FAT4: variants seen among roughly 807,000 people sequenced by gnomAD.
FAT4 encodes protocadherin Fat 4.
Under a neutral mutation model 303.9 loss-of-function variants are expected in FAT4, and 84 were observed. That is an observed-to-expected ratio of 0.28 (90% confidence interval 0.23 to 0.33). The LOEUF (loss-of-function observed/expected upper bound fraction) is 0.33, where lower values mean the gene tolerates loss of function less well. Among genes scored for constraint, FAT4 ranks in the 10% least tolerant of loss-of-function variants. The pLI is 1.00. For missense variants in FAT4, 6,005 were observed against 6,146.8 expected, an observed-to-expected ratio of 0.98 and a Z score of 0.77; for synonymous variants, 2,307 against 2,298.8, an observed-to-expected ratio of 1.00 and a Z score of -0.10.
intron 2 of FAT4, among the ~76,000 whole-genome samples, chr4:125,330,112 C>T (rs990067147): frequency 6.6e-6 from 1 of 152,234 alleles, no homozygotes; most frequent in African/African-American, 2.4e-5. Context: ...ATTCTCGGAA[C>T]TTGCTAGGCA....
At chr4:125,411,736 A>AT (rs201607686) in intron 5 of FAT4, among the ~76,000 whole-genome samples, 12 of 147,996 alleles carry the variant, frequency 8.1e-5, no homozygotes, top group Non-Finnish European at 1.8e-4. Flanking sequence ...ATTTATATAT[A>AT]TTTTTATATA....
At chr4:125,406,537 C>T (rs953003736) in intron 3 of FAT4, among the ~76,000 whole-genome samples, 1 of 152,044 alleles carries the variant, frequency 6.6e-6, no homozygotes, top group Non-Finnish European at 1.5e-5. Context: ...ATAAAAAATG[C>T]TGTTAGGATT....
chr4:125,414,350 T>A (rs1227526567), intron 5 of FAT4, among the ~76,000 whole-genome samples: 1 of 152,168 alleles, frequency 6.6e-6, no homozygotes, highest in Non-Finnish European at 1.5e-5. Flanking sequence ...AAATACTTTT[T>A]AGAAACTTTA....
intron 7 of FAT4, among the ~76,000 whole-genome samples, chr4:125,419,725 G>A (rs1279400675): frequency 6.6e-6 from 1 of 152,132 alleles, no homozygotes; most frequent in East Asian, 1.9e-4. Flanking sequence ...TTGAGCCAGA[G>A]TCGTGCACTG....
In FAT4 at chr4:125,452,098, G is replaced by T. The variant is rs368928868; in HGVS notation, c.11088G>T (p.Thr3696=). Residue 3696 remains threonine, a synonymous_variant, in exon 10 of 18, where the codon ACG becomes ACT. Transcript: ENST00000394329. ...ATGATGGAGTTCACAGCACAGTCACGAGCAACATCCGAGTTTTCTTTGCTG... is the reference window on the plus strand; with the variant it reads ...ATGATGGAGTTCACAGCACAGTCACTAGCAACATCCGAGTTTTCTTTGCTG... ...LSNDGVHSTV[T]SNIRVFFAGF... The T allele has an allele frequency of 1.3e-5, 21 of 1,614,012 alleles. No individual in the cohort carries two copies. The highest frequency in any genetic ancestry group is 5.3e-5 in the African/African-American group (4 of 74,908).
chr4:125,428,298 CAA>C (rs991878717), intron 7 of FAT4, among the ~76,000 whole-genome samples: 3 of 147,728 alleles, frequency 2.0e-5, no homozygotes, highest in East Asian at 3.9e-4. Flanking sequence ...AACTCCGTCT[CAA>C]AAAAAAAAGT....
Position 125,318,471 on chromosome 4 carries a change from C to G in FAT4, c.2060C>G (p.Pro687Arg). ...VSLLDINDNS[P>R]VFYPVQYFAH... ...CTTCTGGATATAAATGATAACAGCC[C>G]TGTCTTCTACCCGGTCCAATACTTT... is the stretch of plus-strand genomic sequence containing the variant. The change falls in exon 2 of 18, where the codon CCT (proline) becomes CGT (arginine). Residue 687 changes from proline to arginine, a missense_variant. Transcript: ENST00000394329. 1 of 1,614,174 alleles carries G rather than the reference C, an allele frequency of 6.2e-7. No homozygotes were observed. Among genetic ancestry groups the G allele is most frequent in the Non-Finnish European group, 8.5e-7 (1 of 1,180,050 alleles).
At chr4:125,428,680 G>A (rs1458367033) in intron 7 of FAT4, among the ~76,000 whole-genome samples, 1 of 152,036 alleles carries the variant, frequency 6.6e-6, no homozygotes, top group African/African-American at 2.4e-5. Flanking sequence ...ATACATATGT[G>A]CATACATATG....
In FAT4 at chr4:125,449,324, G is replaced by T. The variant is rs1201576799; in HGVS notation, c.8314G>T (p.Ala2772Ser). 1 of 1,613,864 alleles carries T rather than the reference G, an allele frequency of 6.2e-7. No homozygotes were observed. Among genetic ancestry groups the T allele is most frequent in the Admixed American group, 1.7e-5 (1 of 59,996 alleles). ...TAACATTTTAGATGAAAATGATAAT[G>T]CCCCTAGGTTTTCTCAGATATTTAG... ...MINILDENDN[A>S]PRFSQIFSAH... is the part of the protein sequence containing the mutation. The change falls in exon 10 of 18, where the codon GCC (alanine) becomes TCC (serine). Residue 2772 changes from alanine (A) to serine (S), a missense_variant. By Grantham distance (99) the Ala-to-Ser change is moderately conservative (BLOSUM62 1). Transcript: ENST00000394329.
intron 2 of FAT4, among the ~76,000 whole-genome samples, chr4:125,370,219 A>G (rs1733053652): frequency 6.6e-6 from 1 of 152,118 alleles, no homozygotes; most frequent in African/African-American, 2.4e-5. Flanking sequence ...TATATTTCAT[A>G]TCATTGTTAT....
Position 125,359,979 on chromosome 4 carries a change from C to T in FAT4, c.5175+38393C>T, listed in dbSNP as rs544956931. 2.6e-5 allele frequency among the ~76,000 whole-genome samples: 4 copies of T among 152,252 alleles called. No individual in the cohort carries two copies. The South Asian group carries it at 8.3e-4, about 32-fold the overall frequency. On this transcript the variant is annotated intron_variant, in intron 2 of 17. Transcript: ENST00000394329. ...GACTCTCCACTGGATTCCACTCGCC[C>T]AAATTCCCTAGATGGATTTTCCCTC...
chr4:125,448,791 CCTCTTTAAGAGGAGAA>C lies in FAT4; in HGVS notation c.7783_7798del (p.Ser2595LeufsTer20). The C allele has an allele frequency of 6.2e-7, 1 of 1,610,886 alleles. No homozygotes were observed. The highest frequency in any genetic ancestry group is 8.5e-7 in the Non-Finnish European group (1 of 1,179,860). ...TCTCTTGTCACCACCATCACAGGAT[CCTCTTTAAGAGGAGAA>C]CCTATGTCATATTATATCGCAAGTG... On this transcript the variant is annotated frameshift_variant, in exon 10 of 18. Coordinates refer to ENST00000394329, the MANE Select transcript of FAT4 (RefSeq NM_001291303.3). LOFTEE classifies it high-confidence loss of function.
chr4:125,375,424 C>T (rs187214816), intron 2 of FAT4, among the ~76,000 whole-genome samples: 2 of 152,320 alleles, frequency 1.3e-5, no homozygotes, highest in African/African-American at 4.8e-5. Flanking sequence ...ACTTGTGCCT[C>T]CAATGAGCAT....
rs1447004070 is a variant in FAT4 at position 125,434,136 on chromosome 4, C to T, written c.7019-109C>T. 7.2e-6 allele frequency: 7 copies of T among 974,532 alleles called. No individual in the cohort carries two copies. In the Admixed American group the frequency reaches 1.8e-4, roughly 25 times the overall value. 60.4% of individuals were successfully genotyped at this position (974,532 alleles called of 1,614,324 possible). A position where few individuals can be genotyped will look rare whatever the true frequency, so the allele number is the denominator to read the frequency against. On this transcript the variant is annotated intron_variant, in intron 7 of 17. Transcript: ENST00000394329. Reference sequence around the variant, plus strand: ...ATCACTTATGTGTTCAGAAATTTTACTTTGATGTTTCCTAAATTCTCTTTA... The same window carrying T: ...ATCACTTATGTGTTCAGAAATTTTATTTTGATGTTTCCTAAATTCTCTTTA...
intron 10 of FAT4, among the ~76,000 whole-genome samples, chr4:125,457,122 T>TACACACAC (rs151245014): frequency 1.1e-4 from 9 of 81,396 alleles, no homozygotes; most frequent in African/African-American, 8.6e-4. Flanking sequence ...GTTTCTCTCA[T>TACACACAC]ACACACACAC....
intron 5 of FAT4, among the ~76,000 whole-genome samples, chr4:125,410,343 T>A (rs1734794262): frequency 6.6e-6 from 1 of 152,162 alleles, no homozygotes; most frequent in South Asian, 2.1e-4. Context: ...GTTTTGCATG[T>A]ACCCAGTCCT....
At chr4:125,388,498 T>C (rs2126004538) in intron 2 of FAT4, among the ~76,000 whole-genome samples, 1 of 152,298 alleles carries the variant, frequency 6.6e-6, no homozygotes, top group Admixed American at 6.5e-5. Flanking sequence ...TTAACATCTA[T>C]TGAAAAATAT....
chr4:125,371,820 T>C (rs1053095786), intron 2 of FAT4, among the ~76,000 whole-genome samples: 3 of 152,042 alleles, frequency 2.0e-5, no homozygotes, highest in African/African-American at 7.2e-5. Flanking sequence ...GATAGCAGTA[T>C]ATGGGGCATA....
At chr4:125,356,668 A>G (rs888764147) in intron 2 of FAT4, among the ~76,000 whole-genome samples, 2 of 150,036 alleles carry the variant, frequency 1.3e-5, no homozygotes, top group African/African-American at 4.9e-5. Context: ...TAATATAAGT[A>G]GAATATAGTT....
Sources: gnomAD v4.1 joint callset for allele counts (sites outside exome capture counted in the v4.1 genomes callset) on GRCh38, gnomAD v4.1.1 for gene constraint, MANE v1.5 for transcripts, NCBI Gene and HGNC (gene_info 2026-07-23, HGNC 2026-07-21) for gene names.